Variants in LIMS2 observed in about 807,000 individuals in gnomAD.
LIMS2 encodes LIM zinc finger domain containing 2, also known as LIM and senescent cell antigen-like-containing domain protein 2.
Under a neutral mutation model 45.3 loss-of-function variants are expected in LIMS2, and 30 were observed. The observed-to-expected ratio is 0.66, with a 90% CI of 0.50 to 0.90. The LOEUF is 0.90. LIMS2 is among the 40% of genes least tolerant of loss of function. LIMS2 has a pLI of 0.00. For synonymous variants in LIMS2, 173 were observed against 188.0 expected (o/e 0.92, Z 0.65); for missense variants, 485 against 468.7 (o/e 1.03, Z -0.32).
In LIMS2 at chr2:127,654,232, G is replaced by A. The variant is rs73954683; in HGVS notation, c.359+192C>T. ...AGAGGCTGCCAGGAGCTCGCTGAGCGTGGGGCCCTGTAAACTGGGAGCTGG... is the reference window on the plus strand; with the variant it reads ...AGAGGCTGCCAGGAGCTCGCTGAGCATGGGGCCCTGTAAACTGGGAGCTGG... On this transcript the variant is annotated intron_variant, in intron 4 of 9. Transcript: ENST00000355119. Among the ~76,000 whole-genome samples, 3,464 of 152,170 alleles carry A rather than the reference G, an allele frequency of 0.023. 100 individuals carry two copies. The highest frequency in any genetic ancestry group is 0.065 in the African/African-American group (2,713 of 41,492).
At chr2:127,679,714 G>C (rs1351923451), upstream of LIMS2, among the ~76,000 whole-genome samples, 1 of 152,144 alleles carries the variant, frequency 6.6e-6, no homozygotes, top group African/African-American at 2.4e-5. This position sits in a 1 kb window ranked among gnomAD's most constrained non-coding sequence, Gnocchi z 5.3. Flanking sequence ...GGCTGGGCTT[G>C]GTCAGCGTGG....
Position 127,661,392 on chromosome 2 carries a change from A to G in LIMS2, c.12-3830T>C, listed in dbSNP as rs138666182. Reference sequence around the variant, plus strand: ...ATAAGGAGAACTGTTGTTTTCCAGCAACTCTGGGAGCCTTCCAGAGTCCCT... The same window carrying G: ...ATAAGGAGAACTGTTGTTTTCCAGCGACTCTGGGAGCCTTCCAGAGTCCCT... On this transcript the variant is annotated intron_variant, in intron 1 of 9. Transcript: ENST00000355119. Among the ~76,000 whole-genome samples the G allele has an allele frequency of 9.0e-3, 1,370 of 152,376 alleles. 24 individuals carry two copies. Among genetic ancestry groups the G allele is most frequent in the African/African-American group, 0.03 (1,253 of 41,584 alleles).
chr2:127,658,951 G>A (rs1684440604), intron 1 of LIMS2, among the ~76,000 whole-genome samples: 1 of 152,248 alleles, frequency 6.6e-6, no homozygotes, highest in Non-Finnish European at 1.5e-5. Flanking sequence ...AATGCTTGGT[G>A]AGTGAGGCTC....
In LIMS2 at chr2:127,664,454, T is replaced by A. The variant is rs1684886821; in HGVS notation, c.12-6892A>T. 8.4e-7 allele frequency: 1 copy of A among 1,186,288 alleles called. No homozygotes were observed. The highest frequency in any genetic ancestry group is 4.5e-5 in the Admixed American group (1 of 22,144). The allele number at this position is 1,186,288 out of a possible 1,614,324, so 73.5% of individuals were successfully genotyped here. A position where few individuals can be genotyped will look rare whatever the true frequency, so the allele number is the denominator to read the frequency against. On this transcript the variant is annotated intron_variant, in intron 1 of 9. Transcript: ENST00000355119. The surrounding 1 kb of genome is among the most constrained non-coding windows in gnomAD (Gnocchi z 5.5). Reference sequence around the variant, plus strand: ...CTGGTGCAGGGGCTATGGGACCACCTCGGAGGGGAGGCGCGGCCGCCTGGG... The same window carrying A: ...CTGGTGCAGGGGCTATGGGACCACCACGGAGGGGAGGCGCGGCCGCCTGGG...
At chr2:127,658,859 T>G (rs1006067414) in intron 1 of LIMS2, among the ~76,000 whole-genome samples, 1 of 152,144 alleles carries the variant, frequency 6.6e-6, no homozygotes, top group Non-Finnish European at 1.5e-5. Flanking sequence ...TCGAGTGCAG[T>G]GCCTTTGGGA....
At chr2:127,654,323 C>G in intron 4 of LIMS2, 101 bp downstream of exon 4, 1 of 1,524,792 alleles carries the variant, frequency 6.6e-7, no homozygotes, top group African/African-American at 1.4e-5. Flanking sequence ...GCACCGGGAC[C>G]CTTCTGCGCC....
rs779596247 is a variant in LIMS2, at chr2:127,639,231, C to T, written c.*50G>A. On this transcript the variant is annotated 3_prime_UTR_variant, in exon 10 of 10. Transcript: ENST00000355119. ...GGACGAGGGGGCCAAGCATGGACAG[C>T]AGGAGGGGAGAAGGCGGAGGGGCCG... 5.6e-6 allele frequency: 9 copies of T among 1,595,982 alleles called. No individual in the cohort carries two copies. In the South Asian group the frequency reaches 6.7e-5, roughly 12 times the overall value.
At chr2:127,674,720 C>G (rs1685427054) in intron 1 of LIMS2, 1 of 985,336 alleles carries the variant, frequency 1.0e-6, no homozygotes, top group Non-Finnish European at 1.2e-6. Flanking sequence ...TGGACAAGAC[C>G]CCCTCCCGCA....
At chr2:127,662,029 A>G (rs550098703) in intron 1 of LIMS2, among the ~76,000 whole-genome samples, 2 of 152,304 alleles carry the variant, frequency 1.3e-5, no homozygotes, top group East Asian at 3.9e-4. Flanking sequence ...GCCAGCCACA[A>G]GAAGTCTGGT....
intron 9 of LIMS2, 43 bp downstream of exon 9, chr2:127,640,027 C>T (rs1430001576): frequency 1.3e-6 from 2 of 1,587,808 alleles, no homozygotes; most frequent in South Asian, 2.2e-5. Context: ...CCTGCAGGAG[C>T]CCCCTCCACC....
intron 4 of LIMS2, among the ~76,000 whole-genome samples, chr2:127,648,980 AGGGGAGGGGAGGGAGGGGAGGGGAG>A (rs1683322718): frequency 5.8e-5 from 1 of 17,126 alleles, no homozygotes. Flanking sequence ...GAGGGGAGGG[AGGGGAGGGGAGGGAGGGGAGGGGAG>A]GAAGGGGAGG....
At chr2:127,648,363 T>C (rs777119584) in intron 4 of LIMS2, 2 of 218,120 alleles carry the variant, frequency 9.2e-6, no homozygotes, top group Non-Finnish European at 1.6e-5. Context: ...TTGAGGACAT[T>C]GATGGCCAGG....
chr2:127,648,205 C>T (rs547372169), intron 4 of LIMS2: 2 of 985,272 alleles, frequency 2.0e-6, no homozygotes, highest in Non-Finnish European at 2.4e-6. Context: ...AGACCCTGTT[C>T]CTGGAAGCAG....
chr2:127,673,825 G>GTCACCCCCCA, intron 1 of LIMS2: 1 of 1,293,130 alleles, frequency 7.7e-7, no homozygotes, highest in Non-Finnish European at 1.1e-6. Context: ...AGAACCCTAG[G>GTCACCCCCCA]GGGTGACCAC....
chr2:127,661,920 CG>C (rs1446887407), intron 1 of LIMS2, among the ~76,000 whole-genome samples: 1 of 152,148 alleles, frequency 6.6e-6, no homozygotes, highest in Non-Finnish European at 1.5e-5. Flanking sequence ...TCCCCCATTC[CG>C]GATTCTGTTT....
In LIMS2 at chr2:127,654,902, A is replaced by C. The variant is rs1358200189; in HGVS notation, c.172-6T>G. 3.1e-6 allele frequency: 5 copies of C among 1,613,520 alleles called. No homozygotes were observed. In the African/African-American group the frequency reaches 5.3e-5, roughly 17 times the overall value. Reference sequence around the variant, plus strand: ...CAGTACTTCCGGCCTTCAAACTGCAAAGGGGTCGCAGAGAGAGGACAAGCA... The same window carrying C: ...CAGTACTTCCGGCCTTCAAACTGCACAGGGGTCGCAGAGAGAGGACAAGCA... On this transcript the variant is annotated splice_polypyrimidine_tract_variant and splice_region_variant and intron_variant, in intron 2 of 9. Coordinates refer to ENST00000355119, the MANE Select transcript of LIMS2 (RefSeq NM_001161403.3).
chr2:127,648,714 G>A lies in LIMS2; in HGVS notation c.360-5642C>T, dbSNP rs141881162. ...AGGAGAGAGGATCACTTGAGCCCAG[G>A]AGTTTGAGACCAGCCTGGGCAACAT... On this transcript the variant is annotated intron_variant, in intron 4 of 9. Transcript: ENST00000355119. Among the ~76,000 whole-genome samples the A allele has an allele frequency of 2.0e-3, 302 of 152,070 alleles. 2 individuals are homozygous for A. The highest frequency in any genetic ancestry group is 7.0e-3 in the African/African-American group (289 of 41,498).
At chr2:127,650,827 A>G (rs1683678910) in intron 4 of LIMS2, 1 of 1,614,060 alleles carries the variant, frequency 6.2e-7, no homozygotes, top group African/African-American at 1.3e-5. Context: ...CCACTGGAGA[A>G]CATGCTGTTC....
rs1443107958 is a variant in LIMS2 at position 127,672,207 on chromosome 2, G to A, written c.11+2807C>T. Among the ~76,000 whole-genome samples the A allele has an allele frequency of 6.6e-6, 1 of 152,206 alleles. No homozygotes were observed. The highest frequency in any genetic ancestry group is 2.4e-5 in the African/African-American group (1 of 41,442). On this transcript the variant is annotated intron_variant, in intron 1 of 9. Coordinates refer to ENST00000355119, the MANE Select transcript of LIMS2 (RefSeq NM_001161403.3). The surrounding 1 kb of genome is among the most constrained non-coding windows in gnomAD (Gnocchi z 4.9). ...AATGCCAGGGACAGCTGGGTCCCTA[G>A]GTAGGTGGCCTTAATATCCTCCCTG... is the stretch of plus-strand genomic sequence containing the variant.
Sources: gnomAD v4.1 joint callset for allele counts (sites outside exome capture counted in the v4.1 genomes callset) on GRCh38, gnomAD v4.1.1 for gene constraint, Gnocchi (gnomAD v3.1) non-coding constraint, MANE v1.5 for transcripts, NCBI Gene and HGNC (gene_info 2026-07-23, HGNC 2026-07-21) for gene names.